Variants in KLF17 observed in about 807,000 individuals in gnomAD.
KLF17 encodes KLF transcription factor 17, also known as Krueppel-like factor 17.
Under a neutral mutation model 34.2 loss-of-function variants are expected in KLF17, and 31 were observed. That is an observed-to-expected ratio of 0.91 (90% CI 0.68 to 1.22). KLF17 has a LOEUF of 1.22. Among genes scored for constraint, KLF17 ranks in the 50% most tolerant of loss-of-function variants. The pLI is 0.00. For synonymous variants in KLF17, 179 were observed against 186.7 expected, an observed-to-expected ratio of 0.96 and a Z score of 0.34; for missense variants, 478 against 505.2, an observed-to-expected ratio of 0.95 and a Z score of 0.52.
In KLF17 at chr1:44,134,554, G is replaced by A. The variant is rs2088148507; in HGVS notation, c.*1317G>A. On this transcript the variant is annotated 3_prime_UTR_variant, in exon 4 of 4. Coordinates refer to ENST00000372299, the MANE Select transcript of KLF17 (RefSeq NM_173484.4). The stretch of plus-strand genomic sequence containing the variant: ...AACAATCAAAACAAAAAAGACCTGT[G>A]GACTCTAGTAGATTTTGAATCCTGC... 6.6e-6 allele frequency: 1 copy of A among 152,026 alleles called. No homozygotes were observed. The highest frequency in any genetic ancestry group is 2.4e-5 in the African/African-American group (1 of 41,382). 9.4% of individuals were successfully genotyped at this position (152,026 alleles called of 1,614,324 possible).
chr1:44,098,991 T>G, the KLF17 span, among the ~76,000 whole-genome samples: 65,319 of 151,244 alleles, frequency 0.43, 14,099 homozygotes, highest in South Asian at 0.46. Context: ...GCCTCCCAAG[T>G]TGTTGGGATT....
chr1:44,127,700 CTTTCTTTCTTTCTTCTCT>C lies in KLF17; in HGVS notation c.82-1624_82-1607del, dbSNP rs201434951. ...TTTCTTTCTTTCTTTCTTTTTCTTT[CTTTCTTTCTTTCTTCTCT>C]TTTCTTTCTTTCTTCTCTTTTCTTT... On this transcript the variant is annotated intron_variant, in intron 1 of 3. Coordinates refer to ENST00000372299, the MANE Select transcript of KLF17 (RefSeq NM_173484.4). Among the ~76,000 whole-genome samples the C allele has an allele frequency of 4.1e-3, 414 of 101,046 alleles. 6 individuals are homozygous for C. The highest frequency in any genetic ancestry group is 0.018 in the East Asian group (65 of 3,690). 66.3% of individuals were successfully genotyped at this position (101,046 alleles called of 152,430 possible).
At chr1:44,123,525 C>G (rs747272936) in intron 1 of KLF17, among the ~76,000 whole-genome samples, 3 of 152,116 alleles carry the variant, frequency 2.0e-5, no homozygotes, top group Non-Finnish European at 4.4e-5. Context: ...CTTAGTTGAT[C>G]TAGCTAAGTG....
chr1:44,064,031 G>A, the KLF17 span, among the ~76,000 whole-genome samples: 155 of 152,226 alleles, frequency 1.0e-3, no homozygotes, highest in African/African-American at 3.5e-3. Context: ...GTGGAAAGTG[G>A]ACCAAAAGAG....
At chr1:44,044,254 C>T in the KLF17 span, among the ~76,000 whole-genome samples, 1 of 152,178 alleles carries the variant, frequency 6.6e-6, no homozygotes. Context: ...TCTCAATGAC[C>T]GGACTGTGGT....
the KLF17 span, among the ~76,000 whole-genome samples, chr1:44,099,504 G>A: frequency 6.6e-6 from 1 of 151,438 alleles, no homozygotes; most frequent in African/African-American, 2.4e-5. Context: ...CCTGGGCCAG[G>A]TGCAGTGGCT....
the KLF17 span, among the ~76,000 whole-genome samples, chr1:44,068,873 G>A: frequency 6.6e-6 from 1 of 152,170 alleles, no homozygotes; most frequent in Non-Finnish European, 1.5e-5. Context: ...CCCATCCCCT[G>A]TTGTAACACA....
chr1:44,127,067 T>TTG (rs1419602767), intron 1 of KLF17, among the ~76,000 whole-genome samples: 1 of 149,626 alleles, frequency 6.7e-6, no homozygotes, highest in Non-Finnish European at 1.5e-5. Context: ...TGGCTTGTTT[T>TTG]TTTTTTTTTT....
chr1:44,090,398 C>T, the KLF17 span, among the ~76,000 whole-genome samples: 1 of 145,152 alleles, frequency 6.9e-6, no homozygotes, highest in African/African-American at 2.5e-5. Context: ...AAACTAAATT[C>T]TCAGCATAAC....
chr1:44,099,845 G>GAAAA, the KLF17 span, among the ~76,000 whole-genome samples: 2 of 35,960 alleles, frequency 5.6e-5, no homozygotes, highest in African/African-American at 1.5e-4. Flanking sequence ...AAGAAAGAAA[G>GAAAA]AAAGAAAGAA....
the KLF17 span, chr1:44,103,604 G>A: frequency 6.2e-7 from 1 of 1,605,252 alleles, no homozygotes; most frequent in Non-Finnish European, 8.5e-7. Context: ...TCCTGTAGGT[G>A]GCGATCTCGA....
chr1:44,109,923 G>C, the KLF17 span, among the ~76,000 whole-genome samples: 1 of 143,280 alleles, frequency 7.0e-6, no homozygotes, highest in Non-Finnish European at 1.5e-5. Flanking sequence ...TTTTTTTGCG[G>C]GGGGGACAGA....
At chr1:44,080,396 C>A in the KLF17 span, among the ~76,000 whole-genome samples, 5 of 151,360 alleles carry the variant, frequency 3.3e-5, no homozygotes, top group Non-Finnish European at 5.9e-5. Flanking sequence ...CCACCACCAC[C>A]CCTGGCTAAT....
chr1:44,069,471 AGAGAG>A, the KLF17 span, among the ~76,000 whole-genome samples: 2 of 3,340 alleles, frequency 6.0e-4, no homozygotes, highest in African/African-American at 1.2e-3. This position sits in a 1 kb window ranked among gnomAD's most constrained non-coding sequence, Gnocchi z 4.7. Context: ...TTACATGGCG[AGAGAG>A]AGAGAGAGAG....
chr1:44,121,112 A>T (rs772478294), intron 1 of KLF17, among the ~76,000 whole-genome samples: 1 of 152,040 alleles, frequency 6.6e-6, no homozygotes, highest in East Asian at 1.9e-4. Context: ...TCAAAATTGT[A>T]TATATATATA....
chr1:44,085,457 A>G, the KLF17 span, among the ~76,000 whole-genome samples: 1 of 152,156 alleles, frequency 6.6e-6, no homozygotes, highest in African/African-American at 2.4e-5. Flanking sequence ...CTGAGGAAAG[A>G]GCATTCCAAG....
At chr1:44,082,239 T>C in the KLF17 span, among the ~76,000 whole-genome samples, 3 of 152,220 alleles carry the variant, frequency 2.0e-5, no homozygotes, top group Non-Finnish European at 4.4e-5. Flanking sequence ...AATTGGGTAA[T>C]TGAGCAACTG....
At chr1:44,099,884 A>C in the KLF17 span, among the ~76,000 whole-genome samples, 1 of 65,336 alleles carries the variant, frequency 1.5e-5, no homozygotes, top group East Asian at 4.8e-4. Context: ...AAAGAAAGAA[A>C]GAAAGAAAGA....
At chr1:44,115,900 G>A (rs550684148), upstream of KLF17, 19 of 152,214 alleles carry the variant, frequency 1.2e-4, no homozygotes, top group Admixed American at 1.1e-3. Context: ...ATTTTATGAT[G>A]TGAGTATGCA....
Sources: gnomAD v4.1 joint callset for allele counts (sites outside exome capture counted in the v4.1 genomes callset) on GRCh38, gnomAD v4.1.1 for gene constraint, Gnocchi (gnomAD v3.1) non-coding constraint, MANE v1.5 for transcripts, NCBI Gene and HGNC (gene_info 2026-07-23, HGNC 2026-07-21) for gene names.